INPP5B: variants seen among roughly 807,000 people sequenced by gnomAD.
INPP5B encodes type II inositol 1,4,5-trisphosphate 5-phosphatase.
INPP5B carries 90 observed loss-of-function variants against 118.5 expected under a neutral mutation model. The observed-to-expected ratio is 0.76, with a 90% CI of 0.64 to 0.90. The LOEUF is 0.90. Among genes scored for constraint, INPP5B ranks in the 40% least tolerant of loss-of-function variants. The pLI is 0.00. For missense variants in INPP5B, 984 were observed against 1,125.6 expected, an observed-to-expected ratio of 0.87 and a Z score of 1.80; for synonymous variants, 385 against 418.9, an observed-to-expected ratio of 0.92 and a Z score of 0.99.
At chr1:37,926,750 T>C (rs968596705) in intron 7 of INPP5B, among the ~76,000 whole-genome samples, 1 of 152,206 alleles carries the variant, frequency 6.6e-6, no homozygotes, top group Non-Finnish European at 1.5e-5. Flanking sequence ...GTTTTGCATG[T>C]ACCCAGGATG....
intron 7 of INPP5B, among the ~76,000 whole-genome samples, chr1:37,895,684 C>T (rs1029172408): frequency 1.1e-4 from 17 of 152,248 alleles, no homozygotes; most frequent in African/African-American, 3.4e-4. Context: ...GACTGGTTTT[C>T]GTATTTTTTT....
At position 37,887,415 on chromosome 1, in the gene INPP5B, G is replaced by T; in HGVS notation, c.950C>A (p.Pro317Gln). ...AGCTTTGAACCACTCTTCCTCCTTT[G>T]GGGTATCGTGAAAGAAAAAAGCTTC... ...SKEAFFFHDT[P>Q]KEEEWFKAVS... Residue 317 changes from proline (P) to glutamine (Q), a missense_variant, in exon 11 of 24, where the codon CCA becomes CAA. Physicochemically the swap from Pro to Gln is moderately conservative, Grantham distance 76. Transcript: ENST00000373024. 6.2e-7 allele frequency: 1 copy of T among 1,613,662 alleles called. No homozygotes were observed. The highest frequency in any genetic ancestry group is 8.5e-7 in the Non-Finnish European group (1 of 1,179,718).
At chr1:37,886,793 A>G in intron 12 of INPP5B, 95 bp downstream of exon 12, 2 of 864,264 alleles carry the variant, frequency 2.3e-6, no homozygotes, top group South Asian at 3.0e-5. Flanking sequence ...GGCACCTTCA[A>G]ACTGGGACAC....
At chr1:37,901,816 T>C (rs1390675244) in intron 7 of INPP5B, among the ~76,000 whole-genome samples, 2 of 151,962 alleles carry the variant, frequency 1.3e-5, no homozygotes, top group Non-Finnish European at 2.9e-5. Flanking sequence ...GCCCCATAGT[T>C]CCCCCTCTGG....
In INPP5B at chr1:37,940,773, G is replaced by T; in HGVS notation, c.306C>A (p.Asp102Glu). ...GGAATACGAGGCTAAGCTCTGCTGT[G>T]TCCAGCTGGACGGTCACATCTGAGC... ...ILGSDVTVQLDTAELSLVFQL... is the reference protein window; with the variant it reads ...ILGSDVTVQLETAELSLVFQL... The change falls in exon 6 of 24, where the codon GAC (aspartate) becomes GAA (glutamate). Residue 102 changes from aspartate to glutamate, a missense_variant. By Grantham distance (45) the Asp-to-Glu change is conservative. This residue lies in a region of INPP5B where 350 missense variants were observed against 334.6 expected (regional missense o/e 1.05). Transcript: ENST00000373024. 1 of 1,613,898 alleles carries T rather than the reference G, an allele frequency of 6.2e-7. No homozygotes were observed. The highest frequency in any genetic ancestry group is 8.5e-7 in the Non-Finnish European group (1 of 1,179,790).
chr1:37,893,596 C>T (rs1178570688), intron 7 of INPP5B, among the ~76,000 whole-genome samples: 1 of 152,204 alleles, frequency 6.6e-6, no homozygotes, highest in African/African-American at 2.4e-5. Context: ...GTTTCCCTGC[C>T]TCTTTTCTCA....
intron 6 of INPP5B, among the ~76,000 whole-genome samples, chr1:37,938,420 T>C (rs1035208952): frequency 6.6e-6 from 1 of 152,068 alleles, no homozygotes; most frequent in Non-Finnish European, 1.5e-5. Context: ...GAGCTACGAG[T>C]CTTCTTGTAG....
intron 6 of INPP5B, among the ~76,000 whole-genome samples, chr1:37,935,090 A>G (rs1258669045): frequency 2.0e-5 from 3 of 148,358 alleles, no homozygotes; most frequent in South Asian, 2.2e-4. Flanking sequence ...ACTCCCAGCT[A>G]CTCGGGAGGC....
intron 19 of INPP5B, among the ~76,000 whole-genome samples, chr1:37,872,586 A>G (rs923454605): frequency 1.3e-5 from 2 of 151,652 alleles, no homozygotes; most frequent in Non-Finnish European, 2.9e-5. Flanking sequence ...GTGGTGAGTG[A>G]AACCCAGAGA....
At chr1:37,883,226 AGG>A (rs1429021305) in intron 13 of INPP5B, 7 of 985,442 alleles carry the variant, frequency 7.1e-6, no homozygotes, top group Non-Finnish European at 8.4e-6. Context: ...TCCTGGGAAG[AGG>A]GAAAAAAAAT....
At position 37,944,413 on chromosome 1, in the gene INPP5B, T is replaced by A. The variant is rs1286204849; in HGVS notation, c.153-520A>T. On this transcript the variant is annotated intron_variant, in intron 3 of 23. Transcript: ENST00000373024. ...TATGGAGCACTTTCTTTTTTTTATT[T>A]ATTATATTTTTTAAATTATTTGAAA... is the stretch of plus-strand genomic sequence containing the variant. 2.6e-5 allele frequency among the ~76,000 whole-genome samples: 4 copies of A among 152,174 alleles called. No homozygotes were observed. The East Asian group carries it at 7.7e-4, about 29-fold the overall frequency.
chr1:37,916,494 A>G lies in INPP5B; in HGVS notation c.532+15419T>C, dbSNP rs9442056. Among the ~76,000 whole-genome samples the G allele has an allele frequency of 2.0e-5, 3 of 148,546 alleles. No individual in the cohort carries two copies. The East Asian group carries it at 5.9e-4, about 29-fold the overall frequency. ...TGCAATGGCACGATCTCGGCTCACC[A>G]CAACCTCTGCCTCCCCGGTTCAAGC... On this transcript the variant is annotated intron_variant, in intron 7 of 23. Transcript: ENST00000373024.
At chr1:37,865,617 G>A (rs1260197444) in intron 22 of INPP5B, 144 bp downstream of exon 22, 2 of 863,582 alleles carry the variant, frequency 2.3e-6, no homozygotes, top group Non-Finnish European at 3.4e-6. Flanking sequence ...AAGAAACAAA[G>A]ACATAAGAGA....
intron 7 of INPP5B, among the ~76,000 whole-genome samples, chr1:37,900,706 G>T (rs1226695179): frequency 6.8e-6 from 1 of 147,626 alleles, no homozygotes; most frequent in Non-Finnish European, 1.5e-5. Flanking sequence ...TCAGCTCACT[G>T]CAGCCTCTGC....
Position 37,873,992 on chromosome 1 carries a change from C to A in INPP5B, c.1951+1G>T. 1.3e-6 allele frequency: 2 copies of A among 1,560,914 alleles called. No individual in the cohort carries two copies. The highest frequency in any genetic ancestry group is 1.7e-5 in the Admixed American group (1 of 57,982). On this transcript the variant is annotated splice_donor_variant, in intron 18 of 23. Transcript: ENST00000373024. LOFTEE classifies it high-confidence loss of function. ...CAGGAAGCTAGGAACAGAGGCCTTA[C>A]CTGGCAGGAGGAAGCCTCTGCTGGG...
chr1:37,898,445 C>CAG (rs1644204292), intron 7 of INPP5B, among the ~76,000 whole-genome samples: 1 of 152,156 alleles, frequency 6.6e-6, no homozygotes, highest in South Asian at 2.1e-4. Flanking sequence ...CCTGTAATCC[C>CAG]AGCACTTTGG....
At position 37,885,672 on chromosome 1, in the gene INPP5B, G is replaced by T. The variant is rs1643487460; in HGVS notation, c.1285C>A (p.Pro429Thr). Reference sequence around the variant, plus strand: ...CTGATGGTGAGAGGGGGAAGGCTTGGGTCAGGCTGACAAAACTGCATTCGA... The same window carrying T: ...CTGATGGTGAGAGGGGGAAGGCTTGTGTCAGGCTGACAAAACTGCATTCGA... ...CSRMQFCQPD[P>T]SLPPLTISNH... Residue 429 changes from proline to threonine, a missense_variant, in exon 13 of 24, where the codon CCA (proline) becomes ACA (threonine). By Grantham distance (38) the Pro-to-Thr change is conservative. Transcript: ENST00000373024. The T allele has an allele frequency of 6.2e-7, 1 of 1,613,848 alleles. No individual in the cohort carries two copies. The highest frequency in any genetic ancestry group is 8.5e-7 in the Non-Finnish European group (1 of 1,179,996).
In INPP5B at chr1:37,862,009, C is replaced by G. The variant is rs963326035; in HGVS notation, c.*306G>C. 23 of 242,118 alleles carry G rather than the reference C, an allele frequency of 9.5e-5. No individual in the cohort carries two copies. Among genetic ancestry groups the G allele is most frequent in the African/African-American group, 4.1e-4 (18 of 43,622 alleles). 15.0% of individuals were successfully genotyped at this position (242,118 alleles called of 1,614,324 possible). On this transcript the variant is annotated 3_prime_UTR_variant, in exon 24 of 24. Coordinates refer to ENST00000373024, the MANE Select transcript of INPP5B (RefSeq NM_005540.3). The stretch of plus-strand genomic sequence containing the variant: ...CGAGATCGTGCCACCGCACTCCACC[C>G]TGCGCGACAGAGCAAAACTCCGTCT...
At chr1:37,879,421 T>C (rs1364544239) in intron 15 of INPP5B, among the ~76,000 whole-genome samples, 1 of 152,006 alleles carries the variant, frequency 6.6e-6, no homozygotes, top group African/African-American at 2.4e-5. Flanking sequence ...TAATAAATCA[T>C]ACCTACTTCA....
Sources: allele counts gnomAD v4.1 joint callset (sites outside exome capture counted in the v4.1 genomes callset), GRCh38; gene constraint gnomAD v4.1.1; regional missense constraint gnomAD v4.1.1; transcripts MANE v1.5; gene names NCBI Gene and HGNC (gene_info 2026-07-23, HGNC 2026-07-21).